The following HRK variants were observed in gnomAD, a reference collection of about 807,000 sequenced individuals.
HRK encodes the protein activator of apoptosis harakiri.
A neutral mutation model predicts 5.9 loss-of-function variants in HRK; 6 were observed. The ratio of observed to expected loss-of-function variants is 1.02; its 90% CI spans 0.56 to 2.01. The LOEUF is 2.01. Among genes scored for constraint, HRK ranks in the 30% most tolerant of loss-of-function variants. HRK has a pLI of 0.00. For synonymous variants in HRK, 85 were observed against 65.1 expected (o/e 1.31, Z -1.47); for missense variants, 133 against 128.3 (o/e 1.04, Z -0.18).
chr12:116,858,199 A>G lies in HRK; in HGVS notation c.*3324T>C. 1 of 151,862 alleles carries G rather than the reference A, an allele frequency of 6.6e-6. No individual in the cohort carries two copies. The highest frequency in any genetic ancestry group is 2.4e-5 in the African/African-American group (1 of 41,392). The allele number at this position is 151,862 out of a possible 1,614,324, so 9.4% of individuals were successfully genotyped here. A position where few individuals can be genotyped will look rare whatever the true frequency, so the allele number is the denominator to read the frequency against. On this transcript the variant is annotated 3_prime_UTR_variant, in exon 2 of 2. Coordinates refer to ENST00000257572, the MANE Select transcript of HRK (RefSeq NM_003806.4). Reference sequence around the variant, plus strand: ...AGGGCCAAAAAAAACCCAAAAAAAAACAAAACAGGAACTGGGGTCTAGGAC... The same window carrying G: ...AGGGCCAAAAAAAACCCAAAAAAAAGCAAAACAGGAACTGGGGTCTAGGAC...
chr12:116,868,848 G>C (rs1227736809), intron 1 of HRK, among the ~76,000 whole-genome samples: 1 of 152,196 alleles, frequency 6.6e-6, no homozygotes, highest in African/African-American at 2.4e-5. Context: ...GTAGGCCCTT[G>C]GTGAGTCCCA....
At chr12:116,874,785 C>A (rs548100571) in intron 1 of HRK, among the ~76,000 whole-genome samples, 3 of 152,158 alleles carry the variant, frequency 2.0e-5, no homozygotes, top group African/African-American at 4.8e-5. Context: ...CCAAGCCACA[C>A]GAAGAGGCTG....
At position 116,856,946 on chromosome 12, in the gene HRK, T is replaced by G. The variant is rs1878173909; in HGVS notation, c.*4577A>C. The G allele has an allele frequency of 6.6e-6, 1 of 152,140 alleles. No homozygotes were observed. Among genetic ancestry groups the G allele is most frequent in the Non-Finnish European group, 1.5e-5 (1 of 68,042 alleles). 9.4% of individuals were successfully genotyped at this position (152,140 alleles called of 1,614,324 possible). ...AAGCACTTCGCCCAGTGCTTGGGAG[T>G]GGCGAGCACGCCATAAAAGGTAGCT... On this transcript the variant is annotated 3_prime_UTR_variant, in exon 2 of 2. Coordinates refer to ENST00000257572, the MANE Select transcript of HRK (RefSeq NM_003806.4). The surrounding 1 kb of genome is among the most constrained non-coding windows in gnomAD (Gnocchi z 4.4).
chr12:116,873,577 T>A (rs1324339319), intron 1 of HRK, among the ~76,000 whole-genome samples: 1 of 151,826 alleles, frequency 6.6e-6, no homozygotes. Context: ...CTCACTATAT[T>A]GCCCAGGTTA....
At chr12:116,866,966 T>C (rs1419412672) in intron 1 of HRK, among the ~76,000 whole-genome samples, 5 of 152,068 alleles carry the variant, frequency 3.3e-5, no homozygotes, top group Non-Finnish European at 7.4e-5. Context: ...TTTCAGGAAC[T>C]TCACTTTTTG....
At position 116,868,232 on chromosome 12, in the gene HRK, A is replaced by G. The variant is rs1366201464; in HGVS notation, c.*57-6766T>C. ...CAGCTTCCTGAGTAATGGGCACTAC[A>G]GGAACATGCCACCACGCCTGGCTAA... On this transcript the variant is annotated intron_variant, in intron 1 of 1. Transcript: ENST00000257572. Among the ~76,000 whole-genome samples the G allele has an allele frequency of 2.8e-5, 4 of 145,286 alleles. No homozygotes were observed. The East Asian group carries it at 8.1e-4, about 29-fold the overall frequency.
intron 1 of HRK, 38 bp from the exon 2 acceptor site, chr12:116,861,504 C>G (rs1256070833): frequency 2.0e-5 from 3 of 152,206 alleles, no homozygotes; most frequent in Non-Finnish European, 4.4e-5. Flanking sequence ...TCAGTGCAGA[C>G]AGCTGCTGGG....
Position 116,862,593 on chromosome 12 carries a change from C to T in HRK, c.*57-1127G>A, listed in dbSNP as rs1239480463. 2.0e-5 allele frequency among the ~76,000 whole-genome samples: 3 copies of T among 152,080 alleles called. No individual in the cohort carries two copies. Among genetic ancestry groups the T allele is most frequent in the African/African-American group, 4.8e-5 (2 of 41,398 alleles). ...GAGGAATTGGGGAGTGATACTCATG[C>T]GCATGGGGTTTCTTTCAGGGAAACG... On this transcript the variant is annotated intron_variant, in intron 1 of 1. Transcript: ENST00000257572. The surrounding 1 kb of genome is among the most constrained non-coding windows in gnomAD (Gnocchi z 4.0).
chr12:116,875,826 G>A (rs957110942), intron 1 of HRK, among the ~76,000 whole-genome samples: 8 of 152,116 alleles, frequency 5.3e-5, no homozygotes, highest in Non-Finnish European at 1.2e-4. Flanking sequence ...TTACAGGTGT[G>A]AGCCAGCATA....
Position 116,881,273 on chromosome 12 carries a change from G to C in HRK, c.35C>G (p.Pro12Arg). Residue 12 changes from proline (P) to arginine (R), a missense_variant, in exon 1 of 2, where the codon CCC becomes CGC. Pro to Arg is a moderately radical substitution (Grantham distance 103). Coordinates refer to ENST00000257572, the MANE Select transcript of HRK (RefSeq NM_003806.4). ...CGCGCTGCAGGCGCACACGGCCGGGGGGCCGCGGCCGCGGTGCAGGGGGCA... is the reference window on the plus strand; with the variant it reads ...CGCGCTGCAGGCGCACACGGCCGGGCGGCCGCGGCCGCGGTGCAGGGGGCA... Reference protein sequence around the residue: ...CPCPLHRGRGPPAVCACSAGR... With the variant: ...CPCPLHRGRGRPAVCACSAGR... 2 of 1,078,954 alleles carry C rather than the reference G, an allele frequency of 1.9e-6. No individual in the cohort carries two copies. The highest frequency in any genetic ancestry group is 2.2e-6 in the Non-Finnish European group (2 of 892,186). 66.8% of individuals were successfully genotyped at this position (1,078,954 alleles called of 1,614,324 possible).
intron 1 of HRK, among the ~76,000 whole-genome samples, chr12:116,870,081 A>AACACAC (rs113070500): frequency 4.6e-4 from 69 of 150,958 alleles, no homozygotes; most frequent in African/African-American, 1.6e-3. Flanking sequence ...CTCCATCTAA[A>AACACAC]ACACACACAC....
At chr12:116,877,414 A>G (rs1384856474) in intron 1 of HRK, among the ~76,000 whole-genome samples, 1 of 152,178 alleles carries the variant, frequency 6.6e-6, no homozygotes, top group East Asian at 1.9e-4. Flanking sequence ...CTGGAAGGAT[A>G]CAGCTCCAGT....
intron 1 of HRK, among the ~76,000 whole-genome samples, chr12:116,874,264 G>GC (rs1565884910): frequency 6.6e-6 from 1 of 152,088 alleles, no homozygotes; most frequent in East Asian, 1.9e-4. Flanking sequence ...TTTCTTTCCT[G>GC]AAACGTACTA....
chr12:116,866,561 G>A (rs1254395394), intron 1 of HRK, among the ~76,000 whole-genome samples: 1 of 152,176 alleles, frequency 6.6e-6, no homozygotes, highest in Non-Finnish European at 1.5e-5. Flanking sequence ...TGAAAAGATG[G>A]CTAGGTTGTG....
intron 1 of HRK, among the ~76,000 whole-genome samples, chr12:116,877,950 G>A (rs1381805625): frequency 6.6e-6 from 1 of 152,210 alleles, no homozygotes; most frequent in African/African-American, 2.4e-5. Context: ...CTGTCGCCCA[G>A]GCTGGAGTGC....
rs980077482 is a variant in HRK, at chr12:116,879,329, A to G, written c.*56+1647T>C. 6.6e-6 allele frequency: 1 copy of G among 151,364 alleles called. No homozygotes were observed. The allele number at this position is 151,364 out of a possible 1,614,324, so 9.4% of individuals were successfully genotyped here. A position where few individuals can be genotyped will look rare whatever the true frequency, so the allele number is the denominator to read the frequency against. Reference sequence around the variant, plus strand: ...TTCCAGGCAGTTTCTCTTTTTCTCTATCCTCCCCAAACTTCTTGTCCCTCC... The same window carrying G: ...TTCCAGGCAGTTTCTCTTTTTCTCTGTCCTCCCCAAACTTCTTGTCCCTCC... On this transcript the variant is annotated intron_variant, in intron 1 of 1. Transcript: ENST00000257572. This position sits in a 1 kb window ranked among gnomAD's most constrained non-coding sequence, Gnocchi z 5.6.
intron 1 of HRK, among the ~76,000 whole-genome samples, chr12:116,866,898 C>T (rs530989617): frequency 1.3e-5 from 2 of 152,236 alleles, no homozygotes; most frequent in East Asian, 1.9e-4. Context: ...GATAATGTTG[C>T]CCATGTCCCA....
chr12:116,866,079 A>G (rs1242304738), intron 1 of HRK, among the ~76,000 whole-genome samples: 1 of 141,926 alleles, frequency 7.0e-6, no homozygotes, highest in Non-Finnish European at 1.5e-5. Flanking sequence ...AATCACTTAA[A>G]CCCGGGAGGC....
Position 116,878,019 on chromosome 12 carries a change from G to A in HRK, c.*56+2957C>T, listed in dbSNP as rs905562970. Among the ~76,000 whole-genome samples, 1 of 152,128 alleles carries A rather than the reference G, an allele frequency of 6.6e-6. No homozygotes were observed. Among genetic ancestry groups the A allele is most frequent in the African/African-American group, 2.4e-5 (1 of 41,416 alleles). On this transcript the variant is annotated intron_variant, in intron 1 of 1. Transcript: ENST00000257572. The surrounding 1 kb of genome is among the most constrained non-coding windows in gnomAD (Gnocchi z 4.4). ...TAACCTCCGCCTCCCAGGTTCAAGC[G>A]ATTCTCCTGCCTCAGCCTCCCGAGT...
Sources: gnomAD v4.1 joint callset for allele counts (sites outside exome capture counted in the v4.1 genomes callset) on GRCh38, gnomAD v4.1.1 for gene constraint, Gnocchi (gnomAD v3.1) non-coding constraint, MANE v1.5 for transcripts, NCBI Gene and HGNC (gene_info 2026-07-23, HGNC 2026-07-21) for gene names.